NOC2L: variants seen among roughly 807,000 people sequenced by gnomAD.
NOC2L encodes nucleolar complex protein 2 homolog.
NOC2L carries 101 observed loss-of-function variants against 94.2 expected under a neutral mutation model. The observed-to-expected ratio is 1.07, with a 90% CI of 0.91 to 1.26. NOC2L has a LOEUF of 1.26. Among genes scored for constraint, NOC2L ranks in the 50% most tolerant of loss-of-function variants. The probability of loss-of-function intolerance (pLI) is 0.00; values close to 1 mark genes in which losing one functional copy is unlikely to be tolerated. For missense variants in NOC2L, 1,076 were observed against 980.1 expected (o/e 1.10, Z -1.31); for synonymous variants, 531 against 413.4 (o/e 1.28, Z -3.45).
chr1:945,510 G>A lies in NOC2L; in HGVS notation c.2053+8C>T, dbSNP rs2100375230. The A allele has an allele frequency of 6.2e-7, 1 of 1,613,382 alleles. No individual in the cohort carries two copies. Among genetic ancestry groups the A allele is most frequent in the Non-Finnish European group, 8.5e-7 (1 of 1,179,760 alleles). On this transcript the variant is annotated splice_region_variant and intron_variant, in intron 17 of 18. Transcript: ENST00000327044. ...ACCCTTCCCCTGGGAGCACCACGCA[G>A]GCCCCACCTCTCTCCGAGAATCCCT...
At chr1:956,656 G>A (rs140438262) in intron 4 of NOC2L, among the ~76,000 whole-genome samples, 1 of 152,270 alleles carries the variant, frequency 6.6e-6, no homozygotes, top group African/African-American at 2.4e-5. Flanking sequence ...ACAGTCCTGG[G>A]GCAACCAAGC....
intron 12 of NOC2L, among the ~76,000 whole-genome samples, chr1:949,022 C>G (rs114651174): frequency 0.019 from 2,469 of 127,986 alleles, 65 homozygotes; most frequent in African/African-American, 0.066. Context: ...GGCTCCGTCC[C>G]GAGCAACCAG....
chr1:955,955 C>T lies in NOC2L; in HGVS notation c.666G>A (p.Leu222=), dbSNP rs1445559140. ...IRDLIGCLQK[L]LFGKVAKDSS... ...TATCCTTTGCCACCTTTCCAAACAG[C>T]AGCTTCTGGAGACAGCCAATGAGGT... The change falls in exon 6 of 19, where the codon CTG becomes CTA. Residue 222 remains leucine, a synonymous_variant. Coordinates refer to ENST00000327044, the MANE Select transcript of NOC2L (RefSeq NM_015658.4). 6.2e-7 allele frequency: 1 copy of T among 1,614,012 alleles called. No individual in the cohort carries two copies. Among genetic ancestry groups the T allele is most frequent in the African/African-American group, 1.3e-5 (1 of 75,000 alleles).
Position 950,406 on chromosome 1 carries a change from CA to C in NOC2L, c.1443+720del, listed in dbSNP as rs1385486523. Among the ~76,000 whole-genome samples, 25 of 151,886 alleles carry C rather than the reference CA, an allele frequency of 1.6e-4. 1 individual carries two copies. The highest frequency in any genetic ancestry group is 1.6e-3 in the Admixed American group (24 of 15,250). ...AGACGCAAATGCATGCACACAGGTG[CA>C]CACACGCACAGGTACACACATGCAG... On this transcript the variant is annotated intron_variant, in intron 12 of 18. Coordinates refer to ENST00000327044, the MANE Select transcript of NOC2L (RefSeq NM_015658.4).
At chr1:950,309 G>A (rs4970452) in intron 12 of NOC2L, among the ~76,000 whole-genome samples, 144,307 of 151,910 alleles carry the variant, frequency 0.95, 68,557 homozygotes, top group African/African-American at 0.96. Flanking sequence ...GTACATAGAT[G>A]CACGCAGACA....
In NOC2L at chr1:944,249, G is replaced by A. The variant is rs1453678370; in HGVS notation, c.*445C>T. The stretch of plus-strand genomic sequence containing the variant: ...CCACCGCTTTATTTCTTTCGGTTTC[G>A]GATGCAAAACAAAAAATTTTAAAAG... On this transcript the variant is annotated 3_prime_UTR_variant, in exon 19 of 19. Coordinates refer to ENST00000327044, the MANE Select transcript of NOC2L (RefSeq NM_015658.4). 2.0e-5 allele frequency: 29 copies of A among 1,453,256 alleles called. No individual in the cohort carries two copies. Among genetic ancestry groups the A allele is most frequent in the East Asian group, 7.5e-5 (3 of 40,228 alleles). The allele number at this position is 1,453,256 out of a possible 1,614,324, so 90.0% of individuals were successfully genotyped here.
Position 954,748 on chromosome 1 carries a change from A to G in NOC2L, c.699-666T>C, listed in dbSNP as rs550173621. On this transcript the variant is annotated intron_variant, in intron 6 of 18. Coordinates refer to ENST00000327044, the MANE Select transcript of NOC2L (RefSeq NM_015658.4). Reference sequence around the variant, plus strand: ...AGGCTAAGGTGAGAGAATCACTTGAATCCAGAAGGTACGTGTCGCAGTGAG... The same window carrying G: ...AGGCTAAGGTGAGAGAATCACTTGAGTCCAGAAGGTACGTGTCGCAGTGAG... Among the ~76,000 whole-genome samples the G allele has an allele frequency of 1.0e-3, 156 of 152,222 alleles. 1 individual carries two copies. Among genetic ancestry groups the G allele is most frequent in the African/African-American group, 3.7e-3 (153 of 41,538 alleles).
chr1:945,844 G>A (rs1642092188), intron 16 of NOC2L, among the ~76,000 whole-genome samples, 191 bp from the exon 17 acceptor site: 1 of 152,190 alleles, frequency 6.6e-6, no homozygotes, highest in Non-Finnish European at 1.5e-5. Context: ...AGCCCTTCCT[G>A]CTTCTCCTCA....
intron 12 of NOC2L, 43 bp from the exon 13 acceptor site, chr1:948,646 GTCACCCTGGCT>G (rs376660163): frequency 1.3e-5 from 10 of 787,178 alleles, no homozygotes; most frequent in African/African-American, 1.2e-4. Flanking sequence ...CCCATGCCTG[GTCACCCTGGCT>G]TCACCCTGGC....
At chr1:957,295 A>G (rs759545857) in intron 2 of NOC2L, 22 bp from the exon 3 acceptor site, 1 of 1,609,356 alleles carries the variant, frequency 6.2e-7, no homozygotes, top group Non-Finnish European at 8.5e-7. Flanking sequence ...GAAGTCAGCG[A>G]CCCCAGTGGG....
rs779246680 is a variant in NOC2L, at chr1:953,869, C to T, written c.801G>A (p.Thr267=). ...GCCGCAGCACGGCCGCCAACACCGT[C>T]GTCTCCGACAGACAGGACACCAGCT... ...AIQLVSCLSE[T]TVLAAVLRHI... Residue 267 remains threonine, a synonymous_variant, in exon 8 of 19, where the codon ACG becomes ACA. Coordinates refer to ENST00000327044, the MANE Select transcript of NOC2L (RefSeq NM_015658.4). 5.3e-5 allele frequency: 86 copies of T among 1,613,086 alleles called. No individual in the cohort carries two copies. The highest frequency in any genetic ancestry group is 7.1e-5 in the Non-Finnish European group (84 of 1,180,010).
intron 14 of NOC2L, 64 bp from the exon 15 acceptor site, chr1:946,609 T>G: frequency 6.3e-7 from 1 of 1,577,498 alleles, no homozygotes; most frequent in South Asian, 1.2e-5. Flanking sequence ...CTGGCCCAGG[T>G]CCTGTGCAAA....
chr1:956,862 C>T, intron 4 of NOC2L, 32 bp downstream of exon 4: 2 of 1,611,682 alleles, frequency 1.2e-6, no homozygotes, highest in Non-Finnish European at 8.5e-7. Flanking sequence ...TCTGCCTGGG[C>T]ACCCAGCTGC....
chr1:946,301 G>A lies in NOC2L; in HGVS notation c.1804-15C>T, dbSNP rs761046251. The A allele has an allele frequency of 6.2e-6, 10 of 1,612,446 alleles. No individual in the cohort carries two copies. The highest frequency in any genetic ancestry group is 1.3e-5 in the African/African-American group (1 of 74,846). ...TCCCAGGCTTCCTGGGGGGTTGGGG[G>A]AGTTCAGGGTCATGCCTCACCCTGG... On this transcript the variant is annotated splice_polypyrimidine_tract_variant and intron_variant, in intron 15 of 18. Transcript: ENST00000327044.
intron 16 of NOC2L, 137 bp from the exon 17 acceptor site, chr1:945,790 G>A: frequency 1.8e-6 from 2 of 1,102,858 alleles, no homozygotes; most frequent in Admixed American, 4.3e-5. Flanking sequence ...AAATCACAAA[G>A]CCATCCTCCA....
At position 959,029 on chromosome 1, in the gene NOC2L, C is replaced by CG. The variant is rs774210534; in HGVS notation, c.78dup (p.Glu27ArgfsTer26). On this transcript the variant is annotated frameshift_variant, in exon 2 of 19. Coordinates refer to ENST00000327044, the MANE Select transcript of NOC2L (RefSeq NM_015658.4). LOFTEE classifies it high-confidence loss of function. ...GAATTTTCGGACTCGGATTCGGACT[C>CG]GGAGTCAAAGCCCGAAGCTAGGAAC... 100 of 1,612,174 alleles carry CG rather than the reference C, an allele frequency of 6.2e-5. No individual in the cohort carries two copies. The highest frequency in any genetic ancestry group is 8.3e-5 in the Non-Finnish European group (98 of 1,179,654).
chr1:953,737 C>T (rs1415835657), intron 8 of NOC2L, 45 bp downstream of exon 8: 1 of 1,425,164 alleles, frequency 7.0e-7, no homozygotes, highest in South Asian at 1.2e-5. Flanking sequence ...GCCGTGTGGC[C>T]CCCCGACCCC....
intron 12 of NOC2L, among the ~76,000 whole-genome samples, chr1:950,085 T>TACACACAGGC (rs1342599882): frequency 3.3e-5 from 5 of 152,074 alleles, no homozygotes; most frequent in African/African-American, 9.7e-5. Context: ...TACACACAGG[T>TACACACAGGC]ACACACAGGC....
chr1:951,020 C>G (rs1183684315), intron 12 of NOC2L, 107 bp downstream of exon 12: 2 of 852,654 alleles, frequency 2.3e-6, no homozygotes, highest in African/African-American at 3.4e-5. Context: ...AGGAGGCGGC[C>G]AGGGCTCCGG....
Sources: allele counts gnomAD v4.1 joint callset (sites outside exome capture counted in the v4.1 genomes callset), GRCh38; gene constraint gnomAD v4.1.1; transcripts MANE v1.5; gene names NCBI Gene and HGNC (gene_info 2026-07-23, HGNC 2026-07-21).